Variants in ADAM22 observed in about 807,000 individuals in gnomAD.
ADAM22 encodes the protein ADAM metallopeptidase domain 22, also known as disintegrin and metalloproteinase domain-containing protein 22.
ADAM22 carries 65 observed loss-of-function variants against 144.6 expected under a neutral mutation model. That is an observed-to-expected ratio of 0.45 (90% CI 0.37 to 0.55). The LOEUF (loss-of-function observed/expected upper bound fraction) is 0.55, where lower values mean the gene tolerates loss of function less well. Among genes scored for constraint, ADAM22 ranks in the 20% least tolerant of loss-of-function variants. The pLI is 0.00. For missense variants in ADAM22, 974 were observed against 1,184.9 expected, an observed-to-expected ratio of 0.82 and a Z score of 2.61; for synonymous variants, 391 against 412.6, an observed-to-expected ratio of 0.95 and a Z score of 0.63.
intron 4 of ADAM22, among the ~76,000 whole-genome samples, chr7:88,104,358 C>T (rs926687633): frequency 9.9e-5 from 15 of 151,970 alleles, no homozygotes; most frequent in African/African-American, 3.4e-4. Flanking sequence ...CTATTCTTGG[C>T]ATGGTACACA....
At chr7:88,182,716 G>A (rs1406887671) in intron 29 of ADAM22, among the ~76,000 whole-genome samples, 1 of 151,694 alleles carries the variant, frequency 6.6e-6, no homozygotes, top group Admixed American at 6.6e-5. Flanking sequence ...TGTTTTGTTT[G>A]TTTCTCCACT....
chr7:87,937,879 G>A (rs1025867459), intron 2 of ADAM22, among the ~76,000 whole-genome samples: 1 of 152,184 alleles, frequency 6.6e-6, no homozygotes, highest in Admixed American at 6.5e-5. Flanking sequence ...CAGTGCCTGG[G>A]ATATGTGTAC....
At chr7:88,087,977 T>A (rs1016792763) in intron 4 of ADAM22, among the ~76,000 whole-genome samples, 2 of 152,080 alleles carry the variant, frequency 1.3e-5, no homozygotes, top group Non-Finnish European at 2.9e-5. Flanking sequence ...AAAAGATGAA[T>A]AAGTAAGCAA....
At chr7:88,085,191 A>G (rs1374130530) in intron 4 of ADAM22, among the ~76,000 whole-genome samples, 1 of 152,166 alleles carries the variant, frequency 6.6e-6, no homozygotes, top group Non-Finnish European at 1.5e-5. Flanking sequence ...TTTTTCTTAA[A>G]GTTGGCTTTT....
In ADAM22 at chr7:88,155,773, A is replaced by C. The variant is rs567012136; in HGVS notation, c.1788-114A>C. The stretch of plus-strand genomic sequence containing the variant: ...CTTATTTTATTTCACTTGGCATATG[A>C]GTAGATAATATACTTGATGAAAACC... On this transcript the variant is annotated intron_variant, in intron 21 of 31. Coordinates refer to ENST00000413139, the MANE Select transcript of ADAM22 (RefSeq NM_001324418.2). The C allele has an allele frequency of 2.3e-5, 28 of 1,222,344 alleles. 1 individual carries two copies. In the Admixed American group the frequency reaches 6.9e-4, roughly 30 times the overall value. 75.7% of individuals were successfully genotyped at this position (1,222,344 alleles called of 1,614,324 possible).
chr7:88,027,034 A>G (rs1030691035), intron 3 of ADAM22, among the ~76,000 whole-genome samples: 2 of 152,148 alleles, frequency 1.3e-5, no homozygotes, highest in Admixed American at 1.3e-4. Flanking sequence ...CATCACATTG[A>G]TTGATTTGTG....
intron 3 of ADAM22, among the ~76,000 whole-genome samples, chr7:87,989,668 C>G (rs1413324261): frequency 1.3e-5 from 2 of 152,234 alleles, no homozygotes; most frequent in African/African-American, 4.8e-5. Context: ...ATAATCCCAG[C>G]ACTTTGGGAG....
intron 30 of ADAM22, among the ~76,000 whole-genome samples, chr7:88,188,455 C>A (rs1306145808): frequency 6.6e-6 from 1 of 152,096 alleles, no homozygotes; most frequent in Non-Finnish European, 1.5e-5. Flanking sequence ...CCTTTGTTTT[C>A]TCTTCTAATA....
At chr7:88,128,362 G>A (rs1830951551) in intron 8 of ADAM22, among the ~76,000 whole-genome samples, 1 of 151,980 alleles carries the variant, frequency 6.6e-6, no homozygotes, top group Admixed American at 6.6e-5. Context: ...GAACTGAGTA[G>A]GTGGAGAATA....
At chr7:88,097,151 C>CTTTTTTTTTTTTTTTTTTT (rs1169759079) in intron 4 of ADAM22, among the ~76,000 whole-genome samples, 2 of 129,218 alleles carry the variant, frequency 1.5e-5, no homozygotes, top group African/African-American at 2.9e-5. Context: ...TTTTTCTTTT[C>CTTTTTTTTTTTTTTTTTTT]TTTTTTTTTT....
intron 25 of ADAM22, among the ~76,000 whole-genome samples, chr7:88,170,334 T>C (rs372723250): frequency 6.6e-6 from 1 of 152,008 alleles, no homozygotes; most frequent in East Asian, 1.9e-4. Context: ...TATGATGTTT[T>C]ACTTATTCTA....
intron 3 of ADAM22, among the ~76,000 whole-genome samples, chr7:88,052,425 G>A (rs760363955): frequency 6.6e-6 from 1 of 151,560 alleles, no homozygotes; most frequent in Non-Finnish European, 1.5e-5. Context: ...AGGAGAACCC[G>A]GGAGGCGTAA....
At chr7:87,939,173 GTGGGATCTC>G (rs1467162969) in intron 2 of ADAM22, among the ~76,000 whole-genome samples, 2 of 152,318 alleles carry the variant, frequency 1.3e-5, no homozygotes, top group South Asian at 2.1e-4. Flanking sequence ...AGCAGTCAGG[GTGGGATCTC>G]TGGGGAAGCC....
chr7:88,007,389 A>G (rs563750075), intron 3 of ADAM22, among the ~76,000 whole-genome samples: 293 of 152,322 alleles, frequency 1.9e-3, no homozygotes, highest in African/African-American at 6.9e-3. Flanking sequence ...ACAGAATTGG[A>G]AAAAACTACT....
intron 5 of ADAM22, among the ~76,000 whole-genome samples, chr7:88,113,695 A>ATAT (rs1826734107): frequency 7.7e-5 from 4 of 52,238 alleles, no homozygotes; most frequent in African/African-American, 3.6e-4. Context: ...ATTATAAATA[A>ATAT]ATAAATAAAT....
rs1401876247 is a variant in ADAM22, at chr7:87,935,090, C to G, written c.150C>G (p.Ile50Met). 4 of 1,614,104 alleles carry G rather than the reference C, an allele frequency of 2.5e-6. No individual in the cohort carries two copies. Among genetic ancestry groups the G allele is most frequent in the Non-Finnish European group, 3.4e-6 (4 of 1,180,026 alleles). The stretch of plus-strand genomic sequence containing the variant: ...ACCGCTTCGTGGAGCGCCAGAGCAT[C>G]GTGCCACTGCGCCTCATCTACCGCT... ...KENRFVERQS[I>M]VPLRLIYRSG... Residue 50 changes from isoleucine to methionine, a missense_variant, in exon 2 of 32, where the codon ATC (isoleucine) becomes ATG (methionine). Physicochemically the swap from Ile to Met is conservative, Grantham distance 10 (BLOSUM62 1). Coordinates refer to ENST00000413139, the MANE Select transcript of ADAM22 (RefSeq NM_001324418.2).
intron 30 of ADAM22, among the ~76,000 whole-genome samples, chr7:88,191,543 C>T (rs1031556905): frequency 1.3e-5 from 2 of 152,098 alleles, no homozygotes; most frequent in Admixed American, 6.5e-5. Flanking sequence ...TATCTAAATG[C>T]AGAAGTTTGC....
intron 26 of ADAM22, 37 bp from the exon 27 acceptor site, chr7:88,178,898 C>G: frequency 2.9e-6 from 4 of 1,399,668 alleles, no homozygotes; most frequent in East Asian, 2.3e-5. Flanking sequence ...ATGTGTGTGT[C>G]TTGTTTTCTG....
chr7:87,936,955 GTTTA>G (rs1380320907), intron 2 of ADAM22, among the ~76,000 whole-genome samples: 8 of 151,828 alleles, frequency 5.3e-5, no homozygotes, highest in Admixed American at 1.3e-4. Flanking sequence ...ATTGCAATTA[GTTTA>G]TTTATTTATT....
Sources: allele counts gnomAD v4.1 joint callset (sites outside exome capture counted in the v4.1 genomes callset), GRCh38; gene constraint gnomAD v4.1.1; transcripts MANE v1.5; gene names NCBI Gene and HGNC (gene_info 2026-07-23, HGNC 2026-07-21).